Variants in SLC10A7 observed in about 807,000 individuals in gnomAD.
The protein encoded by SLC10A7 is solute carrier family 10 member 7, also known as sodium/bile acid cotransporter 7.
Under a neutral mutation model 43.2 loss-of-function variants are expected in SLC10A7, and 29 were observed. The observed-to-expected ratio is 0.67, with a 90% CI of 0.50 to 0.92. The LOEUF (loss-of-function observed/expected upper bound fraction) is 0.92, where lower values mean the gene tolerates loss of function less well. SLC10A7 is among the 40% of genes least tolerant of loss of function. The probability of loss-of-function intolerance (pLI) is 0.00; values close to 1 mark genes in which losing one functional copy is unlikely to be tolerated. For missense variants in SLC10A7, 295 were observed against 403.2 expected (o/e 0.73, Z 2.30); for synonymous variants, 152 against 144.8 (o/e 1.05, Z -0.35).
chr4:146,357,565 C>T (rs1201782336), intron 5 of SLC10A7, among the ~76,000 whole-genome samples: 1 of 152,184 alleles, frequency 6.6e-6, no homozygotes, highest in Non-Finnish European at 1.5e-5. Flanking sequence ...AACAACCATG[C>T]TCTACCATAA....
intron 4 of SLC10A7, among the ~76,000 whole-genome samples, chr4:146,444,514 AAATAACT>A (rs1474788412): frequency 6.6e-6 from 1 of 152,206 alleles, no homozygotes; most frequent in Non-Finnish European, 1.5e-5. Flanking sequence ...AAATACTCAT[AAATAACT>A]ATATGAGTAT....
chr4:146,480,926 A>G (rs952032072), intron 4 of SLC10A7, among the ~76,000 whole-genome samples: 2 of 152,156 alleles, frequency 1.3e-5, no homozygotes, highest in African/African-American at 4.8e-5. Context: ...AACAGCAAAT[A>G]AACAGGAAAA....
At chr4:146,498,787 T>C (rs769519702) in intron 4 of SLC10A7, among the ~76,000 whole-genome samples, 1 of 152,206 alleles carries the variant, frequency 6.6e-6, no homozygotes, top group African/African-American at 2.4e-5. Flanking sequence ...TCTAATTGGC[T>C]CACTGAAACA....
At chr4:146,433,337 G>A (rs1039315381) in intron 5 of SLC10A7, among the ~76,000 whole-genome samples, 3 of 151,072 alleles carry the variant, frequency 2.0e-5, no homozygotes, top group East Asian at 4.0e-4. Context: ...CATATTCTCT[G>A]GCTCTTTGAA....
intron 5 of SLC10A7, among the ~76,000 whole-genome samples, chr4:146,361,182 G>A (rs1490304814): frequency 6.6e-6 from 1 of 152,042 alleles, no homozygotes; most frequent in Non-Finnish European, 1.5e-5. Flanking sequence ...AGGAAGCAGG[G>A]CAATCTATCT....
intron 5 of SLC10A7, among the ~76,000 whole-genome samples, chr4:146,439,691 A>T (rs1438581146): frequency 6.6e-6 from 1 of 152,136 alleles, no homozygotes; most frequent in Non-Finnish European, 1.5e-5. Context: ...ACAAGTCTAC[A>T]GTTTAGGCGC....
At chr4:146,426,243 A>T (rs1307102547) in intron 5 of SLC10A7, among the ~76,000 whole-genome samples, 1 of 152,240 alleles carries the variant, frequency 6.6e-6, no homozygotes, top group Non-Finnish European at 1.5e-5. Context: ...TAATATTACT[A>T]GAAACGGTTC....
At chr4:146,308,724 A>G (rs1398593804) in intron 6 of SLC10A7, among the ~76,000 whole-genome samples, 1 of 152,150 alleles carries the variant, frequency 6.6e-6, no homozygotes, top group African/African-American at 2.4e-5. Context: ...CATACTGCCA[A>G]TCCATGGTTT....
At chr4:146,298,740 A>T (rs1388992876) in intron 7 of SLC10A7, among the ~76,000 whole-genome samples, 3 of 152,174 alleles carry the variant, frequency 2.0e-5, no homozygotes, top group Non-Finnish European at 4.4e-5. Context: ...GCCGGCACAA[A>T]TTTTCTTTCT....
At chr4:146,303,923 T>C (rs1003415196) in intron 7 of SLC10A7, among the ~76,000 whole-genome samples, 2 of 151,994 alleles carry the variant, frequency 1.3e-5, no homozygotes, top group East Asian at 3.9e-4. Context: ...TTAAATAACT[T>C]GCCCATAGTA....
intron 5 of SLC10A7, among the ~76,000 whole-genome samples, chr4:146,407,517 C>T (rs959174370): frequency 6.6e-6 from 1 of 152,208 alleles, no homozygotes; most frequent in African/African-American, 2.4e-5. Context: ...TTTATATACA[C>T]TGAACAACCA....
chr4:146,310,641 GC>G (rs1485190077), intron 6 of SLC10A7, among the ~76,000 whole-genome samples: 1 of 151,950 alleles, frequency 6.6e-6, no homozygotes, highest in Non-Finnish European at 1.5e-5. Flanking sequence ...AGCAGACACT[GC>G]TTTGAATGCT....
rs1731574376 is a variant in SLC10A7, at chr4:146,306,409, ATTTATGT to A, written c.472-407_472-401del. ...ATTCCTTTATCAAGATAACATTTTTATTTATGTAAATGAAATAGTTTCTAACTTTCTG... is the reference window on the plus strand; with the variant it reads ...ATTCCTTTATCAAGATAACATTTTTAAAATGAAATAGTTTCTAACTTTCTG... On this transcript the variant is annotated intron_variant, in intron 6 of 11. Transcript: ENST00000335472. Among the ~76,000 whole-genome samples the A allele has an allele frequency of 4.6e-5, 7 of 152,224 alleles. No individual in the cohort carries two copies. The South Asian group carries it at 1.5e-3, about 32-fold the overall frequency.
At chr4:146,260,498 T>G (rs76646678) in intron 10 of SLC10A7, among the ~76,000 whole-genome samples, 3,320 of 152,288 alleles carry the variant, frequency 0.022, 108 homozygotes, top group African/African-American at 0.076. Context: ...AAACCACCTA[T>G]GTTGTCCATT....
At chr4:146,263,373 G>A (rs1728354679) in intron 10 of SLC10A7, among the ~76,000 whole-genome samples, 1 of 152,122 alleles carries the variant, frequency 6.6e-6, no homozygotes, top group African/African-American at 2.4e-5. Flanking sequence ...TGAGCATATG[G>A]TAGGTGGTCA....
At chr4:146,422,731 A>G (rs1377115694) in intron 5 of SLC10A7, among the ~76,000 whole-genome samples, 4 of 152,158 alleles carry the variant, frequency 2.6e-5, no homozygotes, top group Non-Finnish European at 5.9e-5. Context: ...TCATAATAAG[A>G]TAATCCTACT....
At chr4:146,347,514 G>A (rs1734707801) in intron 5 of SLC10A7, among the ~76,000 whole-genome samples, 1 of 152,198 alleles carries the variant, frequency 6.6e-6, no homozygotes, top group Non-Finnish European at 1.5e-5. Flanking sequence ...TGGCTGGAGT[G>A]GAGGACAGGA....
intron 5 of SLC10A7, among the ~76,000 whole-genome samples, chr4:146,441,397 A>G (rs772532861): frequency 1.3e-5 from 2 of 152,186 alleles, no homozygotes; most frequent in African/African-American, 2.4e-5. Flanking sequence ...GGAATCGTAT[A>G]TTTTGTTTTA....
chr4:146,423,732 C>T (rs1729122489), intron 5 of SLC10A7, among the ~76,000 whole-genome samples: 1 of 152,216 alleles, frequency 6.6e-6, no homozygotes, highest in Non-Finnish European at 1.5e-5. Flanking sequence ...ATATGAATAT[C>T]ATACATTTAT....
Sources: allele counts gnomAD v4.1 joint callset (sites outside exome capture counted in the v4.1 genomes callset), GRCh38; gene constraint gnomAD v4.1.1; transcripts MANE v1.5; gene names NCBI Gene and HGNC (gene_info 2026-07-23, HGNC 2026-07-21).